The following LAMB4 variants were observed in gnomAD, a reference collection of about 807,000 sequenced individuals.
LAMB4 encodes laminin subunit beta 4.
A neutral mutation model predicts 199.2 loss-of-function variants in LAMB4; 196 were observed. The ratio of observed to expected loss-of-function variants is 0.98; its 90% CI spans 0.88 to 1.11. The LOEUF (loss-of-function observed/expected upper bound fraction) is 1.11. Among genes scored for constraint, LAMB4 ranks in the 50% least tolerant of loss-of-function variants. The pLI is 0.00. For synonymous variants in LAMB4, 744 were observed against 770.6 expected (o/e 0.97, Z 0.57); for missense variants, 2,080 against 2,171.2 (o/e 0.96, Z 0.83).
intron 30 of LAMB4, among the ~76,000 whole-genome samples, chr7:108,034,991 G>A (rs1156920989): frequency 6.6e-6 from 1 of 152,156 alleles, no homozygotes; most frequent in Non-Finnish European, 1.5e-5. Context: ...GACCTTTGCA[G>A]AAGCATCATT....
chr7:108,035,219 T>C (rs910372976), intron 30 of LAMB4, among the ~76,000 whole-genome samples: 1 of 152,104 alleles, frequency 6.6e-6, no homozygotes, highest in Non-Finnish European at 1.5e-5. Flanking sequence ...ATCTTTTTCT[T>C]ATATTATTTT....
intron 23 of LAMB4, among the ~76,000 whole-genome samples, chr7:108,059,875 C>G (rs887699120): frequency 2.0e-5 from 3 of 152,242 alleles, no homozygotes; most frequent in Non-Finnish European, 4.4e-5. Context: ...GCCTGCATGA[C>G]AGCCTATTGG....
chr7:108,074,371 TTTTA>T (rs1286976927), intron 17 of LAMB4, among the ~76,000 whole-genome samples: 1 of 152,154 alleles, frequency 6.6e-6, no homozygotes, highest in Non-Finnish European at 1.5e-5. Context: ...TTTTATTTTA[TTTTA>T]TTTATTTTTT....
At chr7:108,107,193 G>T (rs563738799) in intron 6 of LAMB4, among the ~76,000 whole-genome samples, 34 of 152,310 alleles carry the variant, frequency 2.2e-4, no homozygotes, top group African/African-American at 8.2e-4. Flanking sequence ...GCAAAATAGT[G>T]CCTGTTCAAT....
At chr7:108,018,686 C>T (rs1237681493), downstream of LAMB4, among the ~76,000 whole-genome samples, 1 of 152,076 alleles carries the variant, frequency 6.6e-6, no homozygotes, top group Non-Finnish European at 1.5e-5. Flanking sequence ...GCCTGGGCAA[C>T]AGAGCAAGAC....
intron 17 of LAMB4, among the ~76,000 whole-genome samples, chr7:108,074,906 T>C (rs2150570106): frequency 6.6e-6 from 1 of 152,298 alleles, no homozygotes; most frequent in East Asian, 1.9e-4. Flanking sequence ...AGTGATAATC[T>C]TTGGAATTTA....
chr7:108,106,227 G>A (rs995786572), intron 7 of LAMB4, among the ~76,000 whole-genome samples, 196 bp from the exon 8 acceptor site: 2 of 152,084 alleles, frequency 1.3e-5, no homozygotes, highest in African/African-American at 4.8e-5. Context: ...AGACCAGACT[G>A]GGCAACATGG....
chr7:108,113,225 G>A, intron 3 of LAMB4, among the ~76,000 whole-genome samples: 1 of 152,008 alleles, frequency 6.6e-6, no homozygotes, highest in Admixed American at 6.6e-5. Flanking sequence ...CACTACTTGA[G>A]GCTATATTAT....
Position 108,103,054 on chromosome 7 carries a change from G to T in LAMB4, c.1170C>A (p.Tyr390Ter). ...GACCCGGGGACTCACGAATGCACGC[G>T]TAGGGATCTGAGATGGTCTTGAGCG... Reference protein sequence around the residue: ...RDPLKTISDPYACIPCECDPD... With the variant: ...RDPLKTISDP The change falls in exon 10 of 34, where the codon TAC (tyrosine) becomes TAA (stop). Residue 390 changes from tyrosine (Y) to a stop codon, truncating the protein, a stop_gained. Coordinates refer to ENST00000388781, the MANE Select transcript of LAMB4 (RefSeq NM_007356.3). LOFTEE classifies it high-confidence loss of function. 6.3e-7 allele frequency: 1 copy of T among 1,590,878 alleles called. No homozygotes were observed. Among genetic ancestry groups the T allele is most frequent in the Non-Finnish European group, 8.6e-7 (1 of 1,162,604 alleles).
At chr7:108,038,247 A>G (rs2035296305) in intron 29 of LAMB4, among the ~76,000 whole-genome samples, 2 of 151,692 alleles carry the variant, frequency 1.3e-5, no homozygotes, top group Admixed American at 1.3e-4. Context: ...GCAACCTCTG[A>G]CTTCCTGGTT....
chr7:108,063,915 T>C lies in LAMB4; in HGVS notation c.2907A>G (p.Pro969=). ...CATCTATGTTGTTGTTGCAGGCACA[T>C]GGTTGGCAAGGTGCTCCTGAAATTC... is the stretch of plus-strand genomic sequence containing the variant. ...NPRISGAPCQ[P]CACNNNIDVT... is the part of the protein sequence containing the mutation. Residue 969 remains proline (P), a synonymous_variant, in exon 22 of 34, where the codon CCA becomes CCG. Coordinates refer to ENST00000388781, the MANE Select transcript of LAMB4 (RefSeq NM_007356.3). 1 of 1,614,162 alleles carries C rather than the reference T, an allele frequency of 6.2e-7. No individual in the cohort carries two copies. Among genetic ancestry groups the C allele is most frequent in the Non-Finnish European group, 8.5e-7 (1 of 1,180,022 alleles).
At chr7:108,126,554 CTTTTT>C (rs71137605) in intron 1 of LAMB4, among the ~76,000 whole-genome samples, 49 of 83,534 alleles carry the variant, frequency 5.9e-4, no homozygotes, top group African/African-American at 2.3e-3. Context: ...GAATTTCTTT[CTTTTT>C]TTTTTTTTTT....
intron 17 of LAMB4, among the ~76,000 whole-genome samples, chr7:108,073,650 T>C (rs1431782162): frequency 6.6e-6 from 1 of 152,158 alleles, no homozygotes; most frequent in Non-Finnish European, 1.5e-5. Flanking sequence ...GAATAAACTT[T>C]GAAAGGGCTG....
intron 33 of LAMB4, among the ~76,000 whole-genome samples, chr7:108,027,270 C>T (rs892954136): frequency 1.3e-5 from 2 of 152,094 alleles, no homozygotes; most frequent in African/African-American, 4.8e-5. Flanking sequence ...TTCTCTGAAT[C>T]TTTCTTAGTA....
At chr7:108,107,595 A>G in intron 6 of LAMB4, 36 bp downstream of exon 6, 1 of 1,489,966 alleles carries the variant, frequency 6.7e-7, no homozygotes, top group Non-Finnish European at 9.1e-7. Context: ...TAAAAGTTTA[A>G]TTTATACAAA....
chr7:108,020,132 C>T (rs1419995166), downstream of LAMB4, among the ~76,000 whole-genome samples: 2 of 152,084 alleles, frequency 1.3e-5, no homozygotes, highest in African/African-American at 4.8e-5. Flanking sequence ...ACGCTGGTCC[C>T]TCACACACCT....
chr7:108,090,470 G>C (rs2150607705), intron 14 of LAMB4, among the ~76,000 whole-genome samples: 1 of 152,110 alleles, frequency 6.6e-6, no homozygotes, highest in East Asian at 1.9e-4. Context: ...GGAGGGAGTA[G>C]TAAGGGTTCA....
At chr7:108,016,263 T>G in the LAMB4 span, among the ~76,000 whole-genome samples, 2 of 150,686 alleles carry the variant, frequency 1.3e-5, no homozygotes, top group Non-Finnish European at 1.5e-5. Flanking sequence ...TTCAAATCTC[T>G]TGCATTTTGG....
intron 10 of LAMB4, among the ~76,000 whole-genome samples, chr7:108,100,757 T>C (rs552983516): frequency 3.2e-4 from 49 of 152,330 alleles, no homozygotes; most frequent in African/African-American, 1.1e-3. Flanking sequence ...TCTTCTTTTA[T>C]AAATACATAG....
Sources: gnomAD v4.1 joint callset for allele counts (sites outside exome capture counted in the v4.1 genomes callset) on GRCh38, gnomAD v4.1.1 for gene constraint, MANE v1.5 for transcripts, NCBI Gene and HGNC (gene_info 2026-07-23, HGNC 2026-07-21) for gene names.